The following PEPD variants were observed in gnomAD, a reference collection of about 807,000 sequenced individuals.
PEPD encodes the protein xaa-Pro dipeptidase.
Under a neutral mutation model 60.7 loss-of-function variants are expected in PEPD, and 53 were observed. The observed-to-expected ratio is 0.87, with a 90% CI of 0.70 to 1.10. The LOEUF (loss-of-function observed/expected upper bound fraction) is 1.10, where lower values mean the gene tolerates loss of function less well. Ranked by LOEUF, PEPD falls within the 50% of genes least tolerant of loss-of-function variation. The pLI is 0.00. For missense variants in PEPD, 711 were observed against 711.9 expected (o/e 1.00, Z 0.01); for synonymous variants, 267 against 284.1 (o/e 0.94, Z 0.60).
chr19:33,402,004 G>A (rs896387774), intron 11 of PEPD, 135 bp from the exon 12 acceptor site: 9 of 820,154 alleles, frequency 1.1e-5, no homozygotes, highest in East Asian at 2.7e-5. Flanking sequence ...CAATGAGACC[G>A]GTGTGGGGAA....
chr19:33,501,800 TCAAG>T (rs889703096), intron 3 of PEPD, among the ~76,000 whole-genome samples: 1 of 152,168 alleles, frequency 6.6e-6, no homozygotes, highest in African/African-American at 2.4e-5. Flanking sequence ...ACTCCTGGTC[TCAAG>T]CAATCTTCCT....
rs1455139428 is a variant in PEPD at position 33,513,823 on chromosome 19, G to A, written c.18-1047C>T. 5.9e-5 allele frequency among the ~76,000 whole-genome samples: 6 copies of A among 102,564 alleles called. 1 individual carries two copies. The South Asian group carries it at 1.4e-3, about 23-fold the overall frequency. The allele number at this position is 102,564 out of a possible 152,430, so 67.3% of individuals were successfully genotyped here. A position where few individuals can be genotyped will look rare whatever the true frequency, so the allele number is the denominator to read the frequency against. On this transcript the variant is annotated intron_variant, in intron 1 of 14. Coordinates refer to ENST00000244137, the MANE Select transcript of PEPD (RefSeq NM_000285.4). ...AGAACACTCCAGCCTTTGCCGCTGCGGCGCCCTGTGGGGAATGCTCTTCCC... is the reference window on the plus strand; with the variant it reads ...AGAACACTCCAGCCTTTGCCGCTGCAGCGCCCTGTGGGGAATGCTCTTCCC...
chr19:33,471,743 CT>C (rs1473450944), intron 7 of PEPD, among the ~76,000 whole-genome samples: 2 of 152,222 alleles, frequency 1.3e-5, no homozygotes, highest in Non-Finnish European at 2.9e-5. Context: ...GGCATGGTGG[CT>C]CTCACTTGTA....
At chr19:33,519,699 A>G (rs1226092683) in intron 1 of PEPD, among the ~76,000 whole-genome samples, 1 of 152,150 alleles carries the variant, frequency 6.6e-6, no homozygotes, top group East Asian at 1.9e-4. Flanking sequence ...GACCTCTCTA[A>G]GACCTGCCAC....
At chr19:33,390,921 C>T (rs1394679879) in intron 13 of PEPD, among the ~76,000 whole-genome samples, 1 of 152,184 alleles carries the variant, frequency 6.6e-6, no homozygotes, top group Non-Finnish European at 1.5e-5. Flanking sequence ...TGAATGAAGC[C>T]AGAGGCGGCA....
At chr19:33,417,014 G>A (rs1427923396) in intron 9 of PEPD, among the ~76,000 whole-genome samples, 5 of 152,182 alleles carry the variant, frequency 3.3e-5, no homozygotes, top group South Asian at 2.1e-4. Context: ...CCCGTGGAGC[G>A]CTCCCGGGCA....
At chr19:33,440,815 C>T (rs1443327791) in intron 9 of PEPD, among the ~76,000 whole-genome samples, 3 of 152,232 alleles carry the variant, frequency 2.0e-5, no homozygotes, top group African/African-American at 7.2e-5. Context: ...TGTGTCTCCC[C>T]AGCTCCTAGA....
chr19:33,496,333 C>G (rs1344553731), intron 4 of PEPD, among the ~76,000 whole-genome samples: 2 of 152,182 alleles, frequency 1.3e-5, no homozygotes, highest in Admixed American at 6.5e-5. Context: ...CGTCTCCTTG[C>G]AGCCCGGTGC....
intron 1 of PEPD, among the ~76,000 whole-genome samples, chr19:33,520,023 C>T (rs904340651): frequency 6.6e-6 from 1 of 151,018 alleles, no homozygotes; most frequent in Admixed American, 6.6e-5. Flanking sequence ...GCCATCATGC[C>T]ATTGCACTCC....
chr19:33,446,055 T>C (rs1251501980), intron 9 of PEPD, among the ~76,000 whole-genome samples: 1 of 152,190 alleles, frequency 6.6e-6, no homozygotes, highest in African/African-American at 2.4e-5. Context: ...TTCTTTCCTC[T>C]TCAAAGCATT....
intron 9 of PEPD, among the ~76,000 whole-genome samples, chr19:33,453,317 A>AAAATAAATAAATAAATAAATAAAT (rs146067299): frequency 0.013 from 1,938 of 148,728 alleles, 33 homozygotes; most frequent in African/African-American, 0.044. Context: ...CTGTCATAAA[A>AAAATAAATAAATAAATAAATAAAT]AAATAAATAA....
chr19:33,488,542 G>C (rs1016121270), intron 6 of PEPD, among the ~76,000 whole-genome samples: 3 of 152,122 alleles, frequency 2.0e-5, no homozygotes, highest in African/African-American at 7.2e-5. Flanking sequence ...GGGCCTGGGG[G>C]CCTGGGGAGA....
At chr19:33,387,701 T>G (rs1968108900) in intron 14 of PEPD, 189 bp downstream of exon 14, 1 of 762,848 alleles carries the variant, frequency 1.3e-6, no homozygotes, top group African/African-American at 1.7e-5. Flanking sequence ...GGCAGGGGTT[T>G]TGCAGGATCT....
chr19:33,513,626 A>G (rs1970968835), intron 1 of PEPD, among the ~76,000 whole-genome samples: 1 of 152,122 alleles, frequency 6.6e-6, no homozygotes, highest in African/African-American at 2.4e-5. Flanking sequence ...ACCTTCTGCC[A>G]GAAGGGCCCT....
At chr19:33,419,428 A>G (rs1313459501) in intron 9 of PEPD, among the ~76,000 whole-genome samples, 1 of 152,260 alleles carries the variant, frequency 6.6e-6, no homozygotes, top group African/African-American at 2.4e-5. Flanking sequence ...ATTTAGCATG[A>G]TAACAACCCT....
chr19:33,471,683 G>A (rs934925354), intron 7 of PEPD, among the ~76,000 whole-genome samples: 1 of 152,198 alleles, frequency 6.6e-6, no homozygotes, highest in Non-Finnish European at 1.5e-5. Flanking sequence ...AGAGAATCAT[G>A]GCTCAGGACA....
intron 1 of PEPD, among the ~76,000 whole-genome samples, chr19:33,520,526 T>C (rs1053474824): frequency 6.6e-6 from 1 of 152,232 alleles, no homozygotes; most frequent in Non-Finnish European, 1.5e-5. Flanking sequence ...CAGAGTCCCA[T>C]GTGTCCATCT....
intron 5 of PEPD, among the ~76,000 whole-genome samples, chr19:33,491,392 G>A (rs572787089): frequency 1.3e-5 from 2 of 152,210 alleles, no homozygotes; most frequent in Non-Finnish European, 2.9e-5. Flanking sequence ...GGAGGCTGCG[G>A]TGAGCCAAGA....
At chr19:33,469,322 T>C (rs930033898) in intron 7 of PEPD, among the ~76,000 whole-genome samples, 2 of 152,064 alleles carry the variant, frequency 1.3e-5, no homozygotes, top group African/African-American at 2.4e-5. Context: ...GCACTGGCAA[T>C]GGCCAAGCAA....
Sources: allele counts gnomAD v4.1 joint callset (sites outside exome capture counted in the v4.1 genomes callset), GRCh38; gene constraint gnomAD v4.1.1; transcripts MANE v1.5; gene names NCBI Gene and HGNC (gene_info 2026-07-23, HGNC 2026-07-21).